SLIT2: variants seen among roughly 807,000 people sequenced by gnomAD.
SLIT2 encodes slit homolog 2 protein.
In SLIT2, 41 loss-of-function variants were observed where a neutral mutation model predicts 185.7. That is an observed-to-expected ratio of 0.22 (90% CI 0.17 to 0.29). The LOEUF is 0.29. Among genes scored for constraint, SLIT2 ranks in the 10% least tolerant of loss-of-function variants. The pLI is 1.00. For missense variants in SLIT2, 1,571 were observed against 1,909.0 expected, an observed-to-expected ratio of 0.82 and a Z score of 3.30; for synonymous variants, 693 against 680.2, an observed-to-expected ratio of 1.02 and a Z score of -0.29.
chr4:20,528,927 T>C lies in SLIT2; in HGVS notation c.1463-22T>C. On this transcript the variant is annotated intron_variant, in intron 15 of 36. Coordinates refer to ENST00000504154, the MANE Select transcript of SLIT2 (RefSeq NM_004787.4). This position sits in a 1 kb window ranked among gnomAD's most constrained non-coding sequence, Gnocchi z 4.2. Reference sequence around the variant, plus strand: ...CTAACCTTTAGACTCAGTATCTTTTTTTTGGTTTGAATTCTCAATAGGTAC... The same window carrying C: ...CTAACCTTTAGACTCAGTATCTTTTCTTTGGTTTGAATTCTCAATAGGTAC... The C allele has an allele frequency of 1.3e-6, 2 of 1,590,010 alleles. No individual in the cohort carries two copies. Among genetic ancestry groups the C allele is most frequent in the South Asian group, 2.3e-5 (2 of 88,436 alleles).
At chr4:20,519,323 G>C in intron 11 of SLIT2, 59 bp from the exon 12 acceptor site, 1 of 837,848 alleles carries the variant, frequency 1.2e-6, no homozygotes, top group Non-Finnish European at 2.0e-6. Flanking sequence ...ATATGTATTA[G>C]ATGAATTTGT....
chr4:20,384,182 A>T (rs1724756543), intron 4 of SLIT2, among the ~76,000 whole-genome samples: 1 of 152,090 alleles, frequency 6.6e-6, no homozygotes, highest in Non-Finnish European at 1.5e-5. Flanking sequence ...TGTGATATGT[A>T]TGTACAATGG....
intron 4 of SLIT2, among the ~76,000 whole-genome samples, chr4:20,443,095 T>C (rs1378943659): frequency 6.6e-6 from 1 of 152,142 alleles, no homozygotes; most frequent in Non-Finnish European, 1.5e-5. Flanking sequence ...TTTATGGCAA[T>C]ATATCAGGGA....
chr4:20,597,644 G>A (rs1216957688), intron 32 of SLIT2, among the ~76,000 whole-genome samples: 1 of 151,500 alleles, frequency 6.6e-6, no homozygotes, highest in Non-Finnish European at 1.5e-5. Context: ...CCCTTTTTTG[G>A]TTTACCCTGA....
intron 4 of SLIT2, among the ~76,000 whole-genome samples, chr4:20,451,917 G>GT (rs1712518983): frequency 6.6e-6 from 1 of 152,138 alleles, no homozygotes; most frequent in Non-Finnish European, 1.5e-5. Context: ...GAGATTCAGT[G>GT]TAAGTATGAT....
chr4:20,307,030 C>T (rs1717608891), intron 4 of SLIT2, among the ~76,000 whole-genome samples: 1 of 151,748 alleles, frequency 6.6e-6, no homozygotes, highest in Non-Finnish European at 1.5e-5. Context: ...CCTCCATTCC[C>T]TTCCTTTTTA....
intron 4 of SLIT2, among the ~76,000 whole-genome samples, chr4:20,399,205 G>T (rs1411350106): frequency 6.6e-6 from 1 of 151,314 alleles, no homozygotes; most frequent in African/African-American, 2.4e-5. Flanking sequence ...TTATGCTATG[G>T]CTGGATTATA....
At chr4:20,494,394 A>C (rs1475809100) in intron 9 of SLIT2, among the ~76,000 whole-genome samples, 1 of 152,218 alleles carries the variant, frequency 6.6e-6, no homozygotes, top group Non-Finnish European at 1.5e-5. Flanking sequence ...ATTGTGTATA[A>C]GAAAGTGAGA....
At chr4:20,597,260 G>C (rs1290040983) in intron 32 of SLIT2, among the ~76,000 whole-genome samples, 1 of 151,908 alleles carries the variant, frequency 6.6e-6, no homozygotes, top group Non-Finnish European at 1.5e-5. Flanking sequence ...TAGAGACAGG[G>C]TTTCACCATG....
At chr4:20,353,720 G>A (rs928235547) in intron 4 of SLIT2, among the ~76,000 whole-genome samples, 2 of 152,122 alleles carry the variant, frequency 1.3e-5, no homozygotes, top group African/African-American at 4.8e-5. Flanking sequence ...AATGCAGCTG[G>A]TTTCCTATTT....
intron 29 of SLIT2, among the ~76,000 whole-genome samples, chr4:20,575,840 A>C (rs1026513576): frequency 9.9e-5 from 15 of 152,024 alleles, no homozygotes; most frequent in Non-Finnish European, 2.1e-4. Flanking sequence ...ATTAATGAAT[A>C]AATTCCCCCC....
chr4:20,436,668 G>A (rs1189939720), intron 4 of SLIT2, among the ~76,000 whole-genome samples: 3 of 152,162 alleles, frequency 2.0e-5, no homozygotes, highest in African/African-American at 7.2e-5. Context: ...TGTAAATAAA[G>A]TTAAATTGGA....
chr4:20,357,521 A>C (rs1391416623), intron 4 of SLIT2, among the ~76,000 whole-genome samples: 1 of 152,098 alleles, frequency 6.6e-6, no homozygotes, highest in Non-Finnish European at 1.5e-5. Flanking sequence ...ACTGTGCATG[A>C]GTTAAATAGA....
chr4:20,320,465 A>G (rs1224198963), intron 4 of SLIT2, among the ~76,000 whole-genome samples: 2 of 152,076 alleles, frequency 1.3e-5, no homozygotes, highest in African/African-American at 4.8e-5. Context: ...GCAGGAAACA[A>G]TTGTACTGAA....
At chr4:20,565,701 C>T (rs1174664737) in intron 26 of SLIT2, among the ~76,000 whole-genome samples, 1 of 151,904 alleles carries the variant, frequency 6.6e-6, no homozygotes, top group Non-Finnish European at 1.5e-5. Flanking sequence ...CTGGCACAGT[C>T]TCTCCTAGTG....
chr4:20,511,590 T>TTTTTTTTTTTTTTTTTA, intron 11 of SLIT2, among the ~76,000 whole-genome samples: 1 of 131,518 alleles, frequency 7.6e-6, no homozygotes. Context: ...CCAGCTAATT[T>TTTTTTTTTTTTTTTTTA]TTTTTTTTTT....
intron 31 of SLIT2, 97 bp from the exon 32 acceptor site, chr4:20,596,318 A>C: frequency 8.8e-7 from 1 of 1,142,052 alleles, no homozygotes; most frequent in South Asian, 1.5e-5. Flanking sequence ...AAGGAAGTGC[A>C]CATATATAAT....
chr4:20,411,279 A>G (rs923707051), intron 4 of SLIT2, among the ~76,000 whole-genome samples: 2 of 152,224 alleles, frequency 1.3e-5, no homozygotes, highest in Admixed American at 1.3e-4. Flanking sequence ...TTAACTAGCA[A>G]TATTAGTAGA....
chr4:20,515,238 T>C (rs1720095315), intron 11 of SLIT2, among the ~76,000 whole-genome samples: 1 of 152,196 alleles, frequency 6.6e-6, no homozygotes, highest in Non-Finnish European at 1.5e-5. Context: ...CTGGCTTTGT[T>C]ACGGAGTAAA....
Sources: gnomAD v4.1 joint callset for allele counts (sites outside exome capture counted in the v4.1 genomes callset) on GRCh38, gnomAD v4.1.1 for gene constraint, Gnocchi (gnomAD v3.1) non-coding constraint, MANE v1.5 for transcripts, NCBI Gene and HGNC (gene_info 2026-07-23, HGNC 2026-07-21) for gene names.